The following SLC35D4 variants were observed in gnomAD, a reference collection of about 807,000 sequenced individuals.
SLC35D4 encodes the protein UDP-N-acetylglucosamine transporter SLC35D4.
chr18:23,292,107 C>T, the SLC35D4 span, among the ~76,000 whole-genome samples: 4 of 152,364 alleles, frequency 2.6e-5, no homozygotes, highest in South Asian at 6.2e-4. Context: ...CCAAGTATGA[C>T]TAACTGCTTA....
At chr18:23,261,065 C>G in the SLC35D4 span, among the ~76,000 whole-genome samples, 1 of 152,192 alleles carries the variant, frequency 6.6e-6, no homozygotes, top group Non-Finnish European at 1.5e-5. Context: ...AGAAAGGCTG[C>G]AAACCTAAGA....
At chr18:23,275,972 C>A in the SLC35D4 span, among the ~76,000 whole-genome samples, 881 of 152,260 alleles carry the variant, frequency 5.8e-3, 18 homozygotes, top group South Asian at 0.048. Flanking sequence ...GTTCAGTGGG[C>A]TGGGGTTTCT....
At chr18:23,309,573 C>T in the SLC35D4 span, 4 of 924,382 alleles carry the variant, frequency 4.3e-6, no homozygotes, top group South Asian at 5.7e-5. Context: ...GATGGAGATA[C>T]ACAGCCAACG....
chr18:23,353,720 G>C, the SLC35D4 span, among the ~76,000 whole-genome samples: 1 of 152,122 alleles, frequency 6.6e-6, no homozygotes, highest in East Asian at 1.9e-4. Context: ...CACCCAAAAG[G>C]CAAAGAGGGC....
chr18:23,417,882 T>C, the SLC35D4 span, among the ~76,000 whole-genome samples: 1 of 152,188 alleles, frequency 6.6e-6, no homozygotes, highest in African/African-American at 2.4e-5. Flanking sequence ...CAGGCTATAA[T>C]GTGACAGCCA....
At chr18:23,253,786 G>C in the SLC35D4 span, 1 of 1,614,194 alleles carries the variant, frequency 6.2e-7, no homozygotes, top group Non-Finnish European at 8.5e-7. Context: ...AGGAGCCCAC[G>C]GTGGCCATGG....
the SLC35D4 span, among the ~76,000 whole-genome samples, chr18:23,391,942 CTTT>C: frequency 2.8e-5 from 4 of 144,352 alleles, no homozygotes; most frequent in Admixed American, 6.9e-5. Flanking sequence ...CTTTCTTCTT[CTTT>C]TTTTTTTTTT....
chr18:23,414,294 G>GAA, the SLC35D4 span, among the ~76,000 whole-genome samples: 1 of 118,420 alleles, frequency 8.4e-6, no homozygotes, highest in Non-Finnish European at 1.7e-5. Flanking sequence ...AAAAAGGAAA[G>GAA]GAGGAAGGAA....
chr18:23,248,929 A>G, the SLC35D4 span, among the ~76,000 whole-genome samples: 1 of 152,274 alleles, frequency 6.6e-6, no homozygotes. Context: ...ATGATCCACA[A>G]GCCACACTGT....
chr18:23,377,625 G>A, the SLC35D4 span: 7 of 1,571,336 alleles, frequency 4.5e-6, no homozygotes, highest in African/African-American at 1.4e-5. Flanking sequence ...TGGCTTTTTG[G>A]GGGGAGGGCA....
chr18:23,291,386 T>G, the SLC35D4 span, among the ~76,000 whole-genome samples: 1 of 152,230 alleles, frequency 6.6e-6, no homozygotes, highest in African/African-American at 2.4e-5. Context: ...CATAACACGC[T>G]GTCCCAAAAC....
chr18:23,295,030 T>A, the SLC35D4 span, among the ~76,000 whole-genome samples: 1 of 152,024 alleles, frequency 6.6e-6, no homozygotes, highest in Non-Finnish European at 1.5e-5. Context: ...TGCCACTTTC[T>A]GCAAGTGGAA....
chr18:23,289,610 T>G, the SLC35D4 span, among the ~76,000 whole-genome samples: 8 of 152,172 alleles, frequency 5.3e-5, no homozygotes, highest in Non-Finnish European at 1.2e-4. Flanking sequence ...ACTTTACCAC[T>G]ATTTCATTTT....
At chr18:23,419,941 T>C in the SLC35D4 span, among the ~76,000 whole-genome samples, 1 of 152,216 alleles carries the variant, frequency 6.6e-6, no homozygotes, top group Non-Finnish European at 1.5e-5. Flanking sequence ...TATACGTATG[T>C]ATGCATATAC....
chr18:23,268,364 T>C, the SLC35D4 span, among the ~76,000 whole-genome samples: 3 of 152,130 alleles, frequency 2.0e-5, no homozygotes, highest in Admixed American at 6.5e-5. Context: ...GTTGGAAAAC[T>C]AAAGAAGTAT....
chr18:23,289,805 T>C, the SLC35D4 span, among the ~76,000 whole-genome samples: 1 of 152,164 alleles, frequency 6.6e-6, no homozygotes, highest in Non-Finnish European at 1.5e-5. Context: ...GTGAAATTCC[T>C]TCTCCTGGCT....
the SLC35D4 span, among the ~76,000 whole-genome samples, chr18:23,312,251 C>T: frequency 6.6e-6 from 1 of 152,274 alleles, no homozygotes; most frequent in Admixed American, 6.5e-5. Context: ...GCCTCTTTAG[C>T]TTAGGAGGAA....
chr18:23,305,459 G>A, the SLC35D4 span, among the ~76,000 whole-genome samples: 2 of 152,196 alleles, frequency 1.3e-5, no homozygotes, highest in East Asian at 3.8e-4. Flanking sequence ...CTGCCTAGTA[G>A]CTATAAAATC....
chr18:23,421,547 C>T, the SLC35D4 span: 1 of 934,390 alleles, frequency 1.1e-6, no homozygotes, highest in South Asian at 1.4e-5. Flanking sequence ...ACAAGTTCAA[C>T]TCTATTTACT....
Sources: gnomAD v4.1 joint callset for allele counts (sites outside exome capture counted in the v4.1 genomes callset) on GRCh38, gnomAD v4.1.1 for gene constraint, MANE v1.5 for transcripts, NCBI Gene and HGNC (gene_info 2026-07-23, HGNC 2026-07-21) for gene names.